Variants in SCFD1 observed in about 807,000 individuals in gnomAD.
SCFD1 encodes the protein sec1 family domain-containing protein 1.
Under a neutral mutation model 103.2 loss-of-function variants are expected in SCFD1, and 37 were observed. The ratio of observed to expected loss-of-function variants is 0.36; its 90% CI spans 0.28 to 0.47. The LOEUF (loss-of-function observed/expected upper bound fraction) is 0.47. Among genes scored for constraint, SCFD1 ranks in the 20% least tolerant of loss-of-function variants. The pLI, the probability that SCFD1 is intolerant of heterozygous loss-of-function variation, is 1.00. For missense variants in SCFD1, 639 were observed against 761.2 expected (o/e 0.84, Z 1.89); for synonymous variants, 264 against 245.0 (o/e 1.08, Z -0.73).
intron 1 of SCFD1, among the ~76,000 whole-genome samples, chr14:30,626,691 G>A (rs1883489566): frequency 1.3e-5 from 2 of 152,130 alleles, no homozygotes; most frequent in South Asian, 2.1e-4. Flanking sequence ...TCTCCTATGT[G>A]TGTTGCCCCC....
chr14:30,702,149 C>G, intron 16 of SCFD1, 147 bp from the exon 17 acceptor site: 2 of 476,204 alleles, frequency 4.2e-6, no homozygotes, highest in Non-Finnish European at 7.5e-6. Flanking sequence ...CACTTGGGTA[C>G]TCACTTAAGA....
chr14:30,665,678 A>G (rs1887888260), intron 10 of SCFD1, among the ~76,000 whole-genome samples: 1 of 152,224 alleles, frequency 6.6e-6, no homozygotes, highest in Non-Finnish European at 1.5e-5. Context: ...CAAAGGCTCA[A>G]AATAAAGGGA....
chr14:30,733,158 C>T (rs574803310), intron 23 of SCFD1, among the ~76,000 whole-genome samples: 11 of 152,050 alleles, frequency 7.2e-5, no homozygotes, highest in South Asian at 2.1e-4. Context: ...TACAGGCATG[C>T]GCCACCACAC....
chr14:30,712,039 T>TA (rs1414901708), intron 19 of SCFD1, among the ~76,000 whole-genome samples: 1 of 144,556 alleles, frequency 6.9e-6, no homozygotes, highest in Non-Finnish European at 1.5e-5. Flanking sequence ...GGGTATTAGA[T>TA]ACACTCTGTA....
intron 10 of SCFD1, among the ~76,000 whole-genome samples, chr14:30,656,969 T>C (rs1468972887): frequency 6.6e-6 from 1 of 152,082 alleles, no homozygotes; most frequent in Non-Finnish European, 1.5e-5. Flanking sequence ...CAGGGATTAA[T>C]GGGCATAATA....
At position 30,708,017 on chromosome 14, in the gene SCFD1, A is replaced by G; in HGVS notation, c.1581A>G (p.Gly527=). ...MGLLSRVMNT[G]SQFVMEGVKN... ...TTTTATCACGAGTCATGAATACAGG[A>G]TCACAGTTTGTGATGGAAGGAGTGA... Residue 527 remains glycine, a synonymous_variant, in exon 19 of 25, where the codon GGA becomes GGG. Coordinates refer to ENST00000458591, the MANE Select transcript of SCFD1 (RefSeq NM_016106.4). 6.2e-7 allele frequency: 1 copy of G among 1,613,454 alleles called. No individual in the cohort carries two copies. Among genetic ancestry groups the G allele is most frequent in the Non-Finnish European group, 8.5e-7 (1 of 1,179,480 alleles).
At chr14:30,648,853 G>A (rs946060185) in intron 7 of SCFD1, among the ~76,000 whole-genome samples, 9 of 151,864 alleles carry the variant, frequency 5.9e-5, no homozygotes, top group South Asian at 4.1e-4. Flanking sequence ...CTGTGCCTGC[G>A]GTCCCAGCTA....
At chr14:30,721,013 A>C (rs149556055) in intron 21 of SCFD1, among the ~76,000 whole-genome samples, 1 of 152,258 alleles carries the variant, frequency 6.6e-6, no homozygotes, top group African/African-American at 2.4e-5. Context: ...ATCACAGTTA[A>C]ATCTTGGTGA....
intron 3 of SCFD1, chr14:30,630,910 C>A: frequency 5.3e-6 from 1 of 189,728 alleles, no homozygotes; most frequent in Non-Finnish European, 1.1e-5. Flanking sequence ...ACTTATAAAC[C>A]CATCATAAGT....
chr14:30,652,998 CA>C (rs1454854319), intron 9 of SCFD1, among the ~76,000 whole-genome samples: 14 of 141,334 alleles, frequency 9.9e-5, no homozygotes, highest in Admixed American at 1.4e-4. Flanking sequence ...GACAGAGTCT[CA>C]AAAAAAAAAA....
chr14:30,695,639 C>T (rs1037552920), intron 15 of SCFD1, among the ~76,000 whole-genome samples: 15 of 152,100 alleles, frequency 9.9e-5, no homozygotes, highest in Non-Finnish European at 2.1e-4. Context: ...GAGCTTGAGG[C>T]AGGAGGATTG....
intron 6 of SCFD1, 75 bp downstream of exon 6, chr14:30,639,939 G>A: frequency 1.4e-6 from 2 of 1,447,938 alleles, no homozygotes; most frequent in Non-Finnish European, 1.8e-6. Flanking sequence ...AAGTGAATAT[G>A]TTTAATGGAC....
chr14:30,721,982 A>T (rs1197500496), intron 22 of SCFD1, 65 bp downstream of exon 22: 1 of 1,149,372 alleles, frequency 8.7e-7, no homozygotes, highest in African/African-American at 1.5e-5. Flanking sequence ...AATCTTGAAG[A>T]CTGTCTGTAC....
At chr14:30,694,643 T>G in intron 14 of SCFD1, 130 bp from the exon 15 acceptor site, 2 of 1,299,616 alleles carry the variant, frequency 1.5e-6, no homozygotes, top group Non-Finnish European at 2.0e-6. Flanking sequence ...ACTTCTGAAC[T>G]GTACTTTTGA....
chr14:30,721,071 T>TAGAC (rs1272730301), intron 21 of SCFD1, among the ~76,000 whole-genome samples: 1 of 152,122 alleles, frequency 6.6e-6, no homozygotes, highest in Non-Finnish European at 1.5e-5. Context: ...TCCTCATCCA[T>TAGAC]GTCTACTGTT....
intron 21 of SCFD1, among the ~76,000 whole-genome samples, chr14:30,721,374 T>G (rs1892638708): frequency 6.6e-6 from 1 of 152,162 alleles, no homozygotes; most frequent in Non-Finnish European, 1.5e-5. Context: ...AATACTTTGG[T>G]GTCTAAGAGA....
intron 10 of SCFD1, among the ~76,000 whole-genome samples, chr14:30,656,278 G>A (rs976696795): frequency 1.3e-5 from 2 of 152,186 alleles, no homozygotes; most frequent in Non-Finnish European, 2.9e-5. Context: ...ATTTTTAAAT[G>A]ACGGAAATTA....
intron 4 of SCFD1, among the ~76,000 whole-genome samples, chr14:30,636,150 T>C (rs945798298): frequency 6.6e-6 from 1 of 152,128 alleles, no homozygotes; most frequent in Non-Finnish European, 1.5e-5. Flanking sequence ...TACTAGACAC[T>C]CACAAGTTTA....
At chr14:30,624,317 A>G (rs968472703) in intron 1 of SCFD1, among the ~76,000 whole-genome samples, 1 of 152,156 alleles carries the variant, frequency 6.6e-6, no homozygotes, top group African/African-American at 2.4e-5. Flanking sequence ...GCAGGGTCCC[A>G]TTAGTGTTCT....
Sources: allele counts gnomAD v4.1 joint callset (sites outside exome capture counted in the v4.1 genomes callset), GRCh38; gene constraint gnomAD v4.1.1; transcripts MANE v1.5; gene names NCBI Gene and HGNC (gene_info 2026-07-23, HGNC 2026-07-21).